UGT1A5: variants seen among roughly 807,000 people sequenced by gnomAD.
UGT1A5 encodes UDP glucuronosyltransferase family 1 member A5.
Under a neutral mutation model 40.3 loss-of-function variants are expected in UGT1A5, and 29 were observed. The ratio of observed to expected loss-of-function variants is 0.72; its 90% CI spans 0.54 to 0.98. The LOEUF is 0.98. Among genes scored for constraint, UGT1A5 ranks in the 50% least tolerant of loss-of-function variants. The pLI, the probability that UGT1A5 is intolerant of heterozygous loss-of-function variation, is 0.00. For synonymous variants in UGT1A5, 257 were observed against 262.5 expected, an observed-to-expected ratio of 0.98 and a Z score of 0.20; for missense variants, 678 against 677.9, an observed-to-expected ratio of 1.00 and a Z score of 0.00.
chr2:233,758,786 G>T (rs1696976610), intron 1 of UGT1A5, among the ~76,000 whole-genome samples: 1 of 152,212 alleles, frequency 6.6e-6, no homozygotes, highest in Admixed American at 6.5e-5. Context: ...GATCTGTGCA[G>T]TTATCTTGGA....
chr2:233,767,452 A>G (rs1559414101), intron 2 of UGT1A5, among the ~76,000 whole-genome samples: 1 of 152,230 alleles, frequency 6.6e-6, no homozygotes, highest in Non-Finnish European at 1.5e-5. Context: ...AATAAAATAA[A>G]TGGGATATTG....
intron 1 of UGT1A5, among the ~76,000 whole-genome samples, chr2:233,736,673 G>T (rs780660249): frequency 2.0e-4 from 30 of 152,198 alleles, no homozygotes; most frequent in Non-Finnish European, 3.5e-4. Context: ...TTAGGTCTTT[G>T]ATGTTGGTGA....
chr2:233,731,986 G>T (rs184170345), intron 1 of UGT1A5, among the ~76,000 whole-genome samples: 1 of 152,194 alleles, frequency 6.6e-6, no homozygotes, highest in Non-Finnish European at 1.5e-5. Context: ...TCTAACTGGC[G>T]TGAGATGGTA....
intron 1 of UGT1A5, among the ~76,000 whole-genome samples, 172 bp downstream of exon 1, chr2:233,714,030 C>T (rs141549280): frequency 1.3e-5 from 2 of 152,174 alleles, no homozygotes; most frequent in African/African-American, 4.8e-5. Context: ...AATGGTAGTG[C>T]AGTTCAGGGT....
intron 1 of UGT1A5, chr2:233,742,923 T>C (rs1692137211): frequency 5.3e-6 from 1 of 189,486 alleles, no homozygotes; most frequent in Admixed American, 5.4e-5. Context: ...AGTGCTGAAC[T>C]GAACATTCTG....
chr2:233,724,277 C>A (rs1162056701), intron 1 of UGT1A5, among the ~76,000 whole-genome samples: 1 of 115,790 alleles, frequency 8.6e-6, no homozygotes, highest in African/African-American at 3.3e-5. Context: ...GGCGGCTGGC[C>A]GGGCGGGGGG....
chr2:233,747,463 G>A lies in UGT1A5; in HGVS notation c.868-19571G>A, dbSNP rs564672570. 1.6e-5 allele frequency: 25 copies of A among 1,608,790 alleles called. No homozygotes were observed. The South Asian group carries it at 2.7e-4, about 18-fold the overall frequency. ...ACCCTGACAACCTATGCCATTTCAT[G>A]GACCCAGGATGAATTTGATCGCCTT... On this transcript the variant is annotated intron_variant, in intron 1 of 4. Coordinates refer to ENST00000373414, the MANE Select transcript of UGT1A5 (RefSeq NM_019078.2).
chr2:233,730,157 C>T (rs1042969682), intron 1 of UGT1A5, among the ~76,000 whole-genome samples: 1 of 152,168 alleles, frequency 6.6e-6, no homozygotes, highest in Non-Finnish European at 1.5e-5. Context: ...TAAGGGGTCT[C>T]TAGTAGCGTA....
chr2:233,759,839 C>T (rs1697267219), intron 1 of UGT1A5, among the ~76,000 whole-genome samples: 1 of 152,144 alleles, frequency 6.6e-6, no homozygotes, highest in South Asian at 2.1e-4. Context: ...AGTGGGCACT[C>T]TTACAGGTTT....
intron 3 of UGT1A5, 70 bp from the exon 4 acceptor site, chr2:233,768,150 G>A: frequency 6.2e-7 from 1 of 1,611,942 alleles, no homozygotes; most frequent in Middle Eastern, 1.7e-4. Flanking sequence ...AGTGTTTTCA[G>A]AACCTAGATG....
At position 233,720,736 on chromosome 2, in the gene UGT1A5, C is replaced by T. The variant is rs186867201; in HGVS notation, c.867+6878C>T. 4.2e-3 allele frequency among the ~76,000 whole-genome samples: 630 copies of T among 148,874 alleles called. 11 individuals are homozygous for T. Among genetic ancestry groups the T allele is most frequent in the African/African-American group, 0.015 (595 of 40,300 alleles). ...TTTTTTTTTTCTTGAGACTGAGCCT[C>T]GTTCTGTCGCCCAGGCTGGAGGGCA... is the stretch of plus-strand genomic sequence containing the variant. On this transcript the variant is annotated intron_variant, in intron 1 of 4. Transcript: ENST00000373414.
At chr2:233,725,024 G>C (rs1241696904) in intron 1 of UGT1A5, among the ~76,000 whole-genome samples, 1 of 148,280 alleles carries the variant, frequency 6.7e-6, no homozygotes, top group Non-Finnish European at 1.5e-5. Flanking sequence ...AGCAAAACCC[G>C]GTCTCCACCA....
At chr2:233,722,926 T>C (rs2077050442) in intron 1 of UGT1A5, among the ~76,000 whole-genome samples, 1 of 129,968 alleles carries the variant, frequency 7.7e-6, no homozygotes, top group South Asian at 3.0e-4. Context: ...TCATCCTCAT[T>C]GTCTCCATGC....
rs199688431 is a variant in UGT1A5 at position 233,719,254 on chromosome 2, C to T, written c.867+5396C>T. ...CTGATCAGGCACCTGAATGCTACTTCCTTTGATGTGGTTTTAACAGACCCC... is the reference window on the plus strand; with the variant it reads ...CTGATCAGGCACCTGAATGCTACTTTCTTTGATGTGGTTTTAACAGACCCC... On this transcript the variant is annotated intron_variant, in intron 1 of 4. Transcript: ENST00000373414. 4.6e-5 allele frequency: 75 copies of T among 1,614,048 alleles called. No homozygotes were observed. The Middle Eastern group carries it at 2.5e-3, about 53-fold the overall frequency.
chr2:233,760,960 G>C (rs144721642), intron 1 of UGT1A5: 1 of 1,614,048 alleles, frequency 6.2e-7, no homozygotes, highest in Non-Finnish European at 8.5e-7. Flanking sequence ...TCTGTGCGAC[G>C]TGGTTTATTC....
intron 1 of UGT1A5, among the ~76,000 whole-genome samples, chr2:233,731,009 C>T (rs868145572): frequency 3.3e-5 from 5 of 152,260 alleles, no homozygotes; most frequent in Middle Eastern, 3.4e-3. Flanking sequence ...CCATGTACAT[C>T]GTGAGAGAAT....
At chr2:233,756,295 G>A (rs1165667347) in intron 1 of UGT1A5, 3 of 152,134 alleles carry the variant, frequency 2.0e-5, no homozygotes, top group East Asian at 3.8e-4. Flanking sequence ...CACAGTATTT[G>A]TATATAACCT....
In UGT1A5 at chr2:233,769,405, G is replaced by A. The variant is rs932646645; in HGVS notation, c.1307+966G>A. On this transcript the variant is annotated intron_variant, in intron 4 of 4. Coordinates refer to ENST00000373414, the MANE Select transcript of UGT1A5 (RefSeq NM_019078.2). This position sits in a 1 kb window ranked among gnomAD's most constrained non-coding sequence, Gnocchi z 4.4. ...CAATAGATACTGTGTGCATATGTGC[G>A]TGTGCGTTTGTGCATGTGGCTGTGC... 111 of 1,239,692 alleles carry A rather than the reference G, an allele frequency of 9.0e-5. No homozygotes were observed. The South Asian group carries it at 1.2e-3, about 14-fold the overall frequency. The allele number at this position is 1,239,692 out of a possible 1,614,324, so 76.8% of individuals were successfully genotyped here.
chr2:233,719,071 G>A, intron 1 of UGT1A5: 1 of 1,614,278 alleles, frequency 6.2e-7, no homozygotes. Flanking sequence ...GCTGTTCCAT[G>A]GACCCAGAAG....
Sources: allele counts gnomAD v4.1 joint callset (sites outside exome capture counted in the v4.1 genomes callset), GRCh38; gene constraint gnomAD v4.1.1; non-coding constraint Gnocchi (gnomAD v3.1); transcripts MANE v1.5; gene names NCBI Gene and HGNC (gene_info 2026-07-23, HGNC 2026-07-21).